SNPH: variants seen among roughly 807,000 people sequenced by gnomAD.
The protein encoded by SNPH is syntaphilin.
SNPH carries 10 observed loss-of-function variants against 36.8 expected under a neutral mutation model. The ratio of observed to expected loss-of-function variants is 0.27; its 90% CI spans 0.17 to 0.46. The LOEUF is 0.46. Among genes scored for constraint, SNPH ranks in the 20% least tolerant of loss-of-function variants. The probability of loss-of-function intolerance (pLI) is 1.00; values close to 1 mark genes in which losing one functional copy is unlikely to be tolerated. For missense variants in SNPH, 622 were observed against 744.0 expected (o/e 0.84, Z 1.91); for synonymous variants, 281 against 312.2 (o/e 0.90, Z 1.05).
chr20:1,275,181 G>C (rs909468785), intron 2 of SNPH, among the ~76,000 whole-genome samples: 2 of 152,168 alleles, frequency 1.3e-5, no homozygotes, highest in Non-Finnish European at 2.9e-5. Context: ...CTCATTTCCA[G>C]TTCTGCCACT....
At chr20:1,300,316 C>T (rs1272055828) in intron 5 of SNPH, among the ~76,000 whole-genome samples, 2 of 152,216 alleles carry the variant, frequency 1.3e-5, no homozygotes, top group East Asian at 1.9e-4. Flanking sequence ...TATATCTCCC[C>T]ACCCAGCCCT....
In SNPH at chr20:1,292,961, C is replaced by T. The variant is rs192480430; in HGVS notation, c.-492-1990C>T. Among the ~76,000 whole-genome samples, 174 of 152,330 alleles carry T rather than the reference C, an allele frequency of 1.1e-3. 1 individual carries two copies. Among genetic ancestry groups the T allele is most frequent in the Middle Eastern group, 6.8e-3 (2 of 294 alleles). ...TTTTGAAGCTCACTTCATGTTACTTCCAAAATACTGGCTGCCCCCATGTTT... is the reference window on the plus strand; with the variant it reads ...TTTTGAAGCTCACTTCATGTTACTTTCAAAATACTGGCTGCCCCCATGTTT... On this transcript the variant is annotated intron_variant, in intron 2 of 6. Coordinates refer to ENST00000381867, the MANE Select transcript of SNPH (RefSeq NM_001318234.2).
intron 6 of SNPH, among the ~76,000 whole-genome samples, chr20:1,301,208 G>A (rs2088503490): frequency 6.6e-6 from 1 of 152,318 alleles, no homozygotes; most frequent in South Asian, 2.1e-4. Context: ...TGTGGAGGAT[G>A]ATGATGAGAA....
intron 2 of SNPH, among the ~76,000 whole-genome samples, chr20:1,279,362 C>G (rs2088188506): frequency 1.3e-5 from 2 of 152,338 alleles, no homozygotes; most frequent in South Asian, 2.1e-4. Flanking sequence ...CACATATCCT[C>G]TTTGGTGAGG....
At chr20:1,283,834 A>AGAAGGAG (rs1161525055) in intron 2 of SNPH, among the ~76,000 whole-genome samples, 3 of 152,212 alleles carry the variant, frequency 2.0e-5, no homozygotes, top group African/African-American at 7.2e-5. Context: ...CAATCTGCTG[A>AGAAGGAG]GAAGGAGGAG....
At chr20:1,275,796 A>C (rs1210952428) in intron 2 of SNPH, among the ~76,000 whole-genome samples, 1 of 152,120 alleles carries the variant, frequency 6.6e-6, no homozygotes, top group African/African-American at 2.4e-5. Context: ...ATAGTTTATG[A>C]CTTCAGAAAA....
chr20:1,294,770 G>A lies in SNPH; in HGVS notation c.-492-181G>A, dbSNP rs554292996. On this transcript the variant is annotated intron_variant, in intron 2 of 6. Transcript: ENST00000381867. This position sits in a 1 kb window ranked among gnomAD's most constrained non-coding sequence, Gnocchi z 4.4. The stretch of plus-strand genomic sequence containing the variant: ...TCCGGGGAGGCCCTGACATGGGAAG[G>A]GGGTGGTCCCCGGGCCAGAGACTCT... Among the ~76,000 whole-genome samples, 38 of 152,320 alleles carry A rather than the reference G, an allele frequency of 2.5e-4. No homozygotes were observed. The highest frequency in any genetic ancestry group is 8.9e-4 in the African/African-American group (37 of 41,570).
chr20:1,305,388 G>A lies in SNPH; in HGVS notation c.951G>A (p.Glu317=). The change falls in exon 7 of 7, where the codon GAG becomes GAA. Residue 317 remains glutamate (E), a synonymous_variant. Transcript: ENST00000381867. ...LLSSGVDCGT[E]ETSLHSSFGL... is the part of the protein sequence containing the mutation. ...CGTCGGGGGTGGACTGTGGCACCGAGGAGACCTCGCTGCACAGCTCCTTCG... is the reference window on the plus strand; with the variant it reads ...CGTCGGGGGTGGACTGTGGCACCGAAGAGACCTCGCTGCACAGCTCCTTCG... 1 of 1,612,950 alleles carries A rather than the reference G, an allele frequency of 6.2e-7. No individual in the cohort carries two copies. The highest frequency in any genetic ancestry group is 8.5e-7 in the Non-Finnish European group (1 of 1,180,024).
rs770057981 is a variant in SNPH, at chr20:1,294,074, C to T, written c.-492-877C>T. ...AGGCTCAGCCTCCTTTTTGCATCCT[C>T]CCAAAAGCCAGAAGGGCAGGGATGA... On this transcript the variant is annotated intron_variant, in intron 2 of 6. Coordinates refer to ENST00000381867, the MANE Select transcript of SNPH (RefSeq NM_001318234.2). This position sits in a 1 kb window ranked among gnomAD's most constrained non-coding sequence, Gnocchi z 4.4. 6.6e-6 allele frequency among the ~76,000 whole-genome samples: 1 copy of T among 152,200 alleles called. No homozygotes were observed. The highest frequency in any genetic ancestry group is 1.5e-5 in the Non-Finnish European group (1 of 68,026).
In SNPH at chr20:1,266,802, C is replaced by T; in HGVS notation, c.-493+42C>T. ...GGAGCGGGGAGCTGGCCCTGCGCTG[C>T]ACCGCGGCAGGTGGGGGCCGCTTGC... On this transcript the variant is annotated intron_variant, in intron 2 of 6. Coordinates refer to ENST00000381867, the MANE Select transcript of SNPH (RefSeq NM_001318234.2). This position sits in a 1 kb window ranked among gnomAD's most constrained non-coding sequence, Gnocchi z 6.0. The T allele has an allele frequency of 7.6e-7, 1 of 1,317,080 alleles. No individual in the cohort carries two copies. Among genetic ancestry groups the T allele is most frequent in the Non-Finnish European group, 9.7e-7 (1 of 1,032,826 alleles). The allele number at this position is 1,317,080 out of a possible 1,614,324, so 81.6% of individuals were successfully genotyped here. A position where few individuals can be genotyped will look rare whatever the true frequency, so the allele number is the denominator to read the frequency against.
At chr20:1,277,472 TGTC>T (rs2088146748) in intron 2 of SNPH, among the ~76,000 whole-genome samples, 1 of 144,382 alleles carries the variant, frequency 6.9e-6, no homozygotes, top group African/African-American at 2.5e-5. Context: ...CCTGTGTGTG[TGTC>T]TGTCTGTGCC....
At chr20:1,301,091 T>C (rs1408708363) in intron 6 of SNPH, among the ~76,000 whole-genome samples, 2 of 152,198 alleles carry the variant, frequency 1.3e-5, no homozygotes, top group African/African-American at 2.4e-5. Flanking sequence ...CTTGCCTCTT[T>C]TGGGGGAGAA....
intron 2 of SNPH, among the ~76,000 whole-genome samples, chr20:1,273,221 T>G (rs2088092813): frequency 6.6e-6 from 1 of 152,052 alleles, no homozygotes; most frequent in Non-Finnish European, 1.5e-5. Context: ...GGGATCTGGT[T>G]GCAAAGAGAG....
At chr20:1,288,633 T>TTTTTTTTTTTTG (rs1273961039) in intron 2 of SNPH, among the ~76,000 whole-genome samples, 2 of 150,776 alleles carry the variant, frequency 1.3e-5, no homozygotes, top group Admixed American at 6.6e-5. Context: ...TTTTCTTTTT[T>TTTTTTTTTTTTG]TTTTTGAGAT....
chr20:1,280,022 G>C (rs2088197812), intron 2 of SNPH, among the ~76,000 whole-genome samples: 2 of 152,250 alleles, frequency 1.3e-5, no homozygotes, highest in South Asian at 4.1e-4. Flanking sequence ...TGGAGGCAGA[G>C]ATGGAGAGGC....
chr20:1,300,659 A>G lies in SNPH; in HGVS notation c.388A>G (p.Ile130Val). 2 of 1,612,986 alleles carry G rather than the reference A, an allele frequency of 1.2e-6. No individual in the cohort carries two copies. Among genetic ancestry groups the G allele is most frequent in the Non-Finnish European group, 1.7e-6 (2 of 1,179,992 alleles). ...CCCCCTGCAGCAGAAGGAGGTGTGC[A>G]TCCGGCACCTGAAAGCCCGGCTGAA... is the stretch of plus-strand genomic sequence containing the variant. Reference protein sequence around the residue: ...LTPLQQKEVCIRHLKARLKDT... With the variant: ...LTPLQQKEVCVRHLKARLKDT... The change falls in exon 6 of 7, where the codon ATC (isoleucine) becomes GTC (valine). Residue 130 changes from isoleucine (I) to valine (V), a missense_variant. Physicochemically the swap from Ile to Val is conservative, Grantham distance 29. Transcript: ENST00000381867.
At chr20:1,300,415 G>C in intron 5 of SNPH, 147 bp from the exon 6 acceptor site, 2 of 765,354 alleles carry the variant, frequency 2.6e-6, no homozygotes, top group Non-Finnish European at 4.3e-6. Flanking sequence ...AAGGCTGGGG[G>C]TTCTCCTGCC....
At chr20:1,274,577 C>T (rs1353121812) in intron 2 of SNPH, among the ~76,000 whole-genome samples, 2 of 152,038 alleles carry the variant, frequency 1.3e-5, no homozygotes, top group African/African-American at 4.8e-5. Context: ...TGCTGGCATT[C>T]CCAGGAGAAA....
chr20:1,296,285 G>A lies in SNPH; in HGVS notation c.46G>A (p.Ala16Thr), dbSNP rs765804483. 2 of 1,572,786 alleles carry A rather than the reference G, an allele frequency of 1.3e-6. No individual in the cohort carries two copies. The highest frequency in any genetic ancestry group is 1.4e-5 in the African/African-American group (1 of 72,840). Residue 16 changes from alanine (A) to threonine (T), a missense_variant, in exon 4 of 7, where the codon GCC becomes ACC. Physicochemically the swap from Ala to Thr is moderately conservative, Grantham distance 58. This residue lies in a region of SNPH where 187 missense variants were observed against 209.4 expected (regional missense o/e 0.89). Transcript: ENST00000381867. Reference sequence around the variant, plus strand: ...CGAGAGGATGACGTGGCCTGGCCCGGCCCTTTCTGCGGGCCCCCCAACCCG... The same window carrying A: ...CGAGAGGATGACGTGGCCTGGCCCGACCCTTTCTGCGGGCCCCCCAACCCG... The part of the protein sequence containing the change: ...PSERMTWPGP[A>T]LSAGPPTRPL...
Sources: allele counts gnomAD v4.1 joint callset (sites outside exome capture counted in the v4.1 genomes callset), GRCh38; gene constraint gnomAD v4.1.1; regional missense constraint gnomAD v4.1.1; non-coding constraint Gnocchi (gnomAD v3.1); transcripts MANE v1.5; gene names NCBI Gene and HGNC (gene_info 2026-07-23, HGNC 2026-07-21).